GAPVD1: variants seen among roughly 807,000 people sequenced by gnomAD.
GAPVD1 encodes GTPase activating protein and VPS9 domains 1.
In GAPVD1, 35 loss-of-function variants were observed where a neutral mutation model predicts 155.5. The observed-to-expected ratio is 0.23, with a 90% CI of 0.17 to 0.30. The LOEUF is 0.30. Ranked by LOEUF, GAPVD1 falls within the 10% of genes least tolerant of loss-of-function variation. The pLI is 1.00. For synonymous variants in GAPVD1, 636 were observed against 619.7 expected (o/e 1.03, Z -0.39); for missense variants, 1,429 against 1,775.7 (o/e 0.80, Z 3.51).
chr9:125,309,628 C>A (rs1842367107), intron 8 of GAPVD1, among the ~76,000 whole-genome samples: 5 of 152,164 alleles, frequency 3.3e-5, no homozygotes, highest in Admixed American at 3.3e-4. Context: ...AGCCACCGTG[C>A]CCGGGCACTT....
rs964502086 is a variant in GAPVD1, at chr9:125,365,841, G to T, written c.*3095G>T. The T allele has an allele frequency of 1.3e-5, 2 of 152,254 alleles. No individual in the cohort carries two copies. The highest frequency in any genetic ancestry group is 1.5e-5 in the Non-Finnish European group (1 of 68,080). The allele number at this position is 152,254 out of a possible 1,614,324, so 9.4% of individuals were successfully genotyped here. A position where few individuals can be genotyped will look rare whatever the true frequency, so the allele number is the denominator to read the frequency against. Reference sequence around the variant, plus strand: ...TTTTGTAGAGACAGGGTTTCGCCATGTTGGCCAGGCTGGTCTCGAACTCCT... The same window carrying T: ...TTTTGTAGAGACAGGGTTTCGCCATTTTGGCCAGGCTGGTCTCGAACTCCT... On this transcript the variant is annotated 3_prime_UTR_variant, in exon 28 of 28. Transcript: ENST00000297933.
chr9:125,284,125 C>A (rs1400936945), intron 2 of GAPVD1, among the ~76,000 whole-genome samples: 2 of 150,238 alleles, frequency 1.3e-5, no homozygotes, highest in African/African-American at 4.9e-5. Flanking sequence ...ATCCACCCGC[C>A]TTGGCCTCCC....
At position 125,362,673 on chromosome 9, in the gene GAPVD1, G is replaced by A; in HGVS notation, c.4310G>A (p.Gly1437Glu). 1 of 1,613,494 alleles carries A rather than the reference G, an allele frequency of 6.2e-7. No homozygotes were observed. The highest frequency in any genetic ancestry group is 8.5e-7 in the Non-Finnish European group (1 of 1,179,618). ...AGCTTTTATGCTAGCTGTCTGTCTG[G>A]AGAGGAGTCCTATTGGTGGATGCAG... is the stretch of plus-strand genomic sequence containing the variant. Reference protein sequence around the residue: ...ISSFYASCLSGEESYWWMQFT... With the variant: ...ISSFYASCLSEEESYWWMQFT... Residue 1437 changes from glycine to glutamate, a missense_variant, in exon 28 of 28, where the codon GGA (glycine) becomes GAA (glutamate). Physicochemically the swap from Gly to Glu is moderately conservative, Grantham distance 98 (BLOSUM62 -2). Transcript: ENST00000297933.
Position 125,364,685 on chromosome 9 carries a change from T to C in GAPVD1, c.*1939T>C, listed in dbSNP as rs1851342963. On this transcript the variant is annotated 3_prime_UTR_variant, in exon 28 of 28. Transcript: ENST00000297933. ...ATTAAACTAGTACTATGAAATGTCC[T>C]TTTGAATGTTAGGTCAAGAAATCCA... is the stretch of plus-strand genomic sequence containing the variant. 6.6e-6 allele frequency: 1 copy of C among 152,492 alleles called. No individual in the cohort carries two copies. Among genetic ancestry groups the C allele is most frequent in the Admixed American group, 6.5e-5 (1 of 15,280 alleles). The allele number at this position is 152,492 out of a possible 1,614,324, so 9.4% of individuals were successfully genotyped here.
chr9:125,330,683 G>A (rs950103339), intron 13 of GAPVD1, among the ~76,000 whole-genome samples: 6 of 152,126 alleles, frequency 3.9e-5, no homozygotes, highest in African/African-American at 1.2e-4. Context: ...ATTAGTTTAG[G>A]GCATTTTCTG....
chr9:125,297,469 G>A (rs1461943315), intron 3 of GAPVD1, among the ~76,000 whole-genome samples: 1 of 152,206 alleles, frequency 6.6e-6, no homozygotes, highest in African/African-American at 2.4e-5. Flanking sequence ...ACACGTTTGA[G>A]TGGAGAGATC....
chr9:125,323,146 G>T (rs1461280121), intron 10 of GAPVD1, among the ~76,000 whole-genome samples: 1 of 150,844 alleles, frequency 6.6e-6, no homozygotes, highest in African/African-American at 2.4e-5. Flanking sequence ...CACTTTTGTT[G>T]CCCAGGCTGG....
At chr9:125,326,693 T>G in intron 12 of GAPVD1, 104 bp downstream of exon 12, 1 of 774,930 alleles carries the variant, frequency 1.3e-6, no homozygotes, top group Non-Finnish European at 2.2e-6. Flanking sequence ...TTGTGTGTGT[T>G]AGCACCATCT....
intron 5 of GAPVD1, among the ~76,000 whole-genome samples, chr9:125,303,542 C>T (rs1048239034): frequency 6.6e-6 from 1 of 151,252 alleles, no homozygotes; most frequent in African/African-American, 2.4e-5. Flanking sequence ...TTTGGGAGGC[C>T]GAGGCGGGCG....
At position 125,342,391 on chromosome 9, in the gene GAPVD1, A is replaced by G. The variant is rs1371483402; in HGVS notation, c.3046+92A>G. 8 of 768,362 alleles carry G rather than the reference A, an allele frequency of 1.0e-5. 1 individual carries two copies. The highest frequency in any genetic ancestry group is 5.6e-5 in the Admixed American group (3 of 53,544). The allele number at this position is 768,362 out of a possible 1,614,324, so 47.6% of individuals were successfully genotyped here. A position where few individuals can be genotyped will look rare whatever the true frequency, so the allele number is the denominator to read the frequency against. The stretch of plus-strand genomic sequence containing the variant: ...TGGGTGCCATAAGCGTTGCCTTTCT[A>G]GAAGAGTGTGTCTGTGTGTACAGTG... On this transcript the variant is annotated intron_variant, in intron 19 of 27. Coordinates refer to ENST00000297933, the MANE Select transcript of GAPVD1 (RefSeq NM_001282680.3).
chr9:125,281,187 G>A (rs1836733089), intron 2 of GAPVD1, among the ~76,000 whole-genome samples: 1 of 152,166 alleles, frequency 6.6e-6, no homozygotes, highest in Admixed American at 6.6e-5. Context: ...GGTGGTTAGA[G>A]ATTGTGATAA....
chr9:125,346,080 G>A (rs1848483952), intron 19 of GAPVD1: 2 of 152,158 alleles, frequency 1.3e-5, no homozygotes, highest in African/African-American at 4.8e-5. Context: ...TACTATTTTA[G>A]ATTCCAGGAT....
intron 18 of GAPVD1, 187 bp downstream of exon 18, chr9:125,341,451 T>G (rs997715027): frequency 1.2e-5 from 6 of 501,362 alleles, no homozygotes; most frequent in African/African-American, 1.2e-4. Context: ...AATGTTCTTG[T>G]TCTTTGCAGG....
chr9:125,331,057 A>AT (rs1051312867), intron 13 of GAPVD1, among the ~76,000 whole-genome samples: 8 of 151,788 alleles, frequency 5.3e-5, no homozygotes, highest in African/African-American at 1.9e-4. Flanking sequence ...TATGCATTGC[A>AT]TTTTTTTCTG....
At position 125,362,771 on chromosome 9, in the gene GAPVD1, G is replaced by A. The variant is rs368938521; in HGVS notation, c.*25G>A. The A allele has an allele frequency of 3.7e-6, 6 of 1,607,158 alleles. No homozygotes were observed. In the African/African-American group the frequency reaches 5.4e-5, roughly 14 times the overall value. On this transcript the variant is annotated 3_prime_UTR_variant, in exon 28 of 28. Coordinates refer to ENST00000297933, the MANE Select transcript of GAPVD1 (RefSeq NM_001282680.3). ...ACCAAGACCAAGGCCCACCAAGGCA[G>A]CAGACTGTTAATCAGACAAACAGAT...
At chr9:125,303,510 C>T (rs1200952277) in intron 5 of GAPVD1, among the ~76,000 whole-genome samples, 2 of 151,802 alleles carry the variant, frequency 1.3e-5, no homozygotes, top group East Asian at 2.0e-4. Context: ...GGTGCGGTGG[C>T]TTACGCCTGT....
At chr9:125,265,776 G>C (rs1251300931) in intron 1 of GAPVD1, among the ~76,000 whole-genome samples, 3 of 146,760 alleles carry the variant, frequency 2.0e-5, no homozygotes, top group African/African-American at 7.5e-5. Context: ...TGGTAATTTT[G>C]AAACTACTGG....
intron 11 of GAPVD1, among the ~76,000 whole-genome samples, chr9:125,324,588 T>C (rs1844860766): frequency 6.6e-6 from 1 of 151,758 alleles, no homozygotes; most frequent in Non-Finnish European, 1.5e-5. Context: ...AAACTCCGTC[T>C]CAAAAAAAAG....
intron 2 of GAPVD1, among the ~76,000 whole-genome samples, chr9:125,285,528 G>A (rs969627641): frequency 1.2e-4 from 17 of 145,612 alleles, no homozygotes; most frequent in Admixed American, 1.1e-3. Context: ...CCCGATCTCG[G>A]GTTCAAGTGA....
Sources: gnomAD v4.1 joint callset for allele counts (sites outside exome capture counted in the v4.1 genomes callset) on GRCh38, gnomAD v4.1.1 for gene constraint, MANE v1.5 for transcripts, NCBI Gene and HGNC (gene_info 2026-07-23, HGNC 2026-07-21) for gene names.